ARHGAP18: variants seen among roughly 807,000 people sequenced by gnomAD.
ARHGAP18 encodes the protein rho GTPase-activating protein 18.
Under a neutral mutation model 86.2 loss-of-function variants are expected in ARHGAP18, and 67 were observed. The observed-to-expected ratio is 0.78, with a 90% CI of 0.64 to 0.95. The LOEUF (loss-of-function observed/expected upper bound fraction) is 0.95. Ranked by LOEUF, ARHGAP18 falls within the 40% of genes least tolerant of loss-of-function variation. ARHGAP18 has a pLI of 0.00. For missense variants in ARHGAP18, 691 were observed against 780.4 expected (o/e 0.89, Z 1.37); for synonymous variants, 283 against 280.4 (o/e 1.01, Z -0.09).
intron 1 of ARHGAP18, among the ~76,000 whole-genome samples, chr6:129,696,611 A>G (rs1774621504): frequency 6.6e-6 from 1 of 152,202 alleles, no homozygotes; most frequent in South Asian, 2.1e-4. Flanking sequence ...AATTGAATCT[A>G]TATAGTGCTT....
At chr6:129,601,056 G>A (rs991406732) in intron 10 of ARHGAP18, among the ~76,000 whole-genome samples, 14 of 152,186 alleles carry the variant, frequency 9.2e-5, no homozygotes, top group African/African-American at 3.4e-4. Flanking sequence ...AAGGACCATG[G>A]TGCTGGGGAA....
At chr6:129,645,128 C>A (rs1773551747) in intron 1 of ARHGAP18, among the ~76,000 whole-genome samples, 1 of 152,094 alleles carries the variant, frequency 6.6e-6, no homozygotes. Context: ...CCTTGGTCAA[C>A]CTGCCACGTA....
chr6:129,675,089 G>A (rs907947776), intron 1 of ARHGAP18, among the ~76,000 whole-genome samples: 5 of 152,076 alleles, frequency 3.3e-5, no homozygotes, highest in Admixed American at 1.3e-4. Context: ...GTATTTTTGC[G>A]TTTACTCCTT....
intron 5 of ARHGAP18, among the ~76,000 whole-genome samples, chr6:129,626,195 C>T (rs1056541747): frequency 6.1e-5 from 9 of 148,668 alleles, no homozygotes; most frequent in Admixed American, 4.8e-4. Context: ...CAATGGAGTA[C>T]AATGTATCTA....
chr6:129,629,465 G>A lies in ARHGAP18; in HGVS notation c.674C>T (p.Ala225Val), dbSNP rs1255661683. Residue 225 changes from alanine to valine, a missense_variant, in exon 5 of 15, where the codon GCC becomes GTC. Coordinates refer to ENST00000368149, the MANE Select transcript of ARHGAP18 (RefSeq NM_033515.3). ...CTCCAGGTTGATGTCTGTTTCAGGG[G>A]CAGGCGTCTCCTCAGGTGGGATCAG... ...EKLIPPEETP[A>V]PETDINLEVS... is the part of the protein sequence containing the mutation. 7 of 1,613,662 alleles carry A rather than the reference G, an allele frequency of 4.3e-6. No homozygotes were observed. Among genetic ancestry groups the A allele is most frequent in the Non-Finnish European group, 5.9e-6 (7 of 1,179,908 alleles).
chr6:129,585,241 G>A (rs891052062), intron 12 of ARHGAP18, among the ~76,000 whole-genome samples: 2 of 151,556 alleles, frequency 1.3e-5, no homozygotes, highest in South Asian at 4.2e-4. Flanking sequence ...GCAGTGAGCT[G>A]AGACGCACTC....
chr6:129,656,727 C>T (rs557840354), intron 1 of ARHGAP18, among the ~76,000 whole-genome samples: 2 of 152,084 alleles, frequency 1.3e-5, no homozygotes, highest in East Asian at 1.9e-4. Context: ...CAGTCTTTTG[C>T]TATGCCTCAT....
chr6:129,600,800 T>A lies in ARHGAP18; in HGVS notation c.1414A>T (p.Lys472Ter), dbSNP rs1788722884. The change falls in exon 11 of 15, where the codon AAA becomes TAA. Residue 472 changes from lysine to a stop codon, truncating the protein, a stop_gained. Transcript: ENST00000368149. LOFTEE classifies it high-confidence loss of function. The stretch of plus-strand genomic sequence containing the variant: ...ATTGCTACATTCATGACTGTCATTT[T>A]ATTTTTTTCTTTATTATCTATTACT... The part of the protein sequence containing the change: ...QRVIDNKEKN[K>*]MTVMNVAMVM... 6.2e-7 allele frequency: 1 copy of A among 1,613,390 alleles called. No homozygotes were observed. Among genetic ancestry groups the A allele is most frequent in the South Asian group, 1.1e-5 (1 of 91,018 alleles).
rs373648411 is a variant in ARHGAP18 at position 129,580,050 on chromosome 6, A to C, written c.1900+20T>G. The C allele has an allele frequency of 1.3e-6, 2 of 1,591,292 alleles. No individual in the cohort carries two copies. The highest frequency in any genetic ancestry group is 2.7e-5 in the African/African-American group (2 of 74,230). On this transcript the variant is annotated intron_variant, in intron 14 of 14. Transcript: ENST00000368149. ...TATCAAAACAGCATATAAAATGTAAAGAGAAAAAAAAGTGCTTACCAATAT... is the reference window on the plus strand; with the variant it reads ...TATCAAAACAGCATATAAAATGTAACGAGAAAAAAAAGTGCTTACCAATAT...
At chr6:129,604,000 A>G (rs1788801536) in intron 10 of ARHGAP18, among the ~76,000 whole-genome samples, 1 of 152,182 alleles carries the variant, frequency 6.6e-6, no homozygotes, top group Non-Finnish European at 1.5e-5. Context: ...CTGAAATTAT[A>G]TTGCATTGGA....
chr6:129,611,861 G>A, intron 7 of ARHGAP18, among the ~76,000 whole-genome samples: 1 of 152,106 alleles, frequency 6.6e-6, no homozygotes, highest in Non-Finnish European at 1.5e-5. Flanking sequence ...CAACAGCTGT[G>A]GTACTCCAAA....
chr6:129,622,327 C>A (rs1159995069), intron 5 of ARHGAP18, among the ~76,000 whole-genome samples: 1 of 152,082 alleles, frequency 6.6e-6, no homozygotes. Context: ...CTGAACCAAC[C>A]ATATTTACCT....
At chr6:129,706,818 G>A (rs759733254) in intron 1 of ARHGAP18, among the ~76,000 whole-genome samples, 2 of 150,256 alleles carry the variant, frequency 1.3e-5, no homozygotes, top group Non-Finnish European at 3.0e-5. Context: ...GCCTGGAGAC[G>A]GAGGTTGCAG....
intron 12 of ARHGAP18, among the ~76,000 whole-genome samples, chr6:129,592,272 G>A (rs921759596): frequency 6.6e-6 from 1 of 152,178 alleles, no homozygotes; most frequent in African/African-American, 2.4e-5. Context: ...CTGCAACAAT[G>A]CTTTGCAGCA....
chr6:129,626,162 C>G (rs951098423), intron 5 of ARHGAP18, among the ~76,000 whole-genome samples: 2 of 146,222 alleles, frequency 1.4e-5, no homozygotes, highest in African/African-American at 5.1e-5. Context: ...GGGACTGACT[C>G]AATAAATTAT....
At chr6:129,580,967 T>C (rs1190438190) in intron 13 of ARHGAP18, among the ~76,000 whole-genome samples, 2 of 152,192 alleles carry the variant, frequency 1.3e-5, no homozygotes, top group African/African-American at 2.4e-5. Context: ...AATTATGTCA[T>C]TATCTTTCTG....
chr6:129,638,117 G>A (rs553386371), intron 3 of ARHGAP18, among the ~76,000 whole-genome samples: 15 of 152,278 alleles, frequency 9.9e-5, no homozygotes, highest in African/African-American at 3.6e-4. Context: ...GTCACCCCTA[G>A]TGGAGTTAAA....
At position 129,700,894 on chromosome 6, in the gene ARHGAP18, C is replaced by T. The variant is rs1170300635; in HGVS notation, c.113+9130G>A. On this transcript the variant is annotated intron_variant, in intron 1 of 14. Coordinates refer to ENST00000368149, the MANE Select transcript of ARHGAP18 (RefSeq NM_033515.3). ...CCAAAATCTGTGTATGCAATCACTA[C>T]GCCTCCTCCCACTTACACTCATTCA... 7.9e-5 allele frequency among the ~76,000 whole-genome samples: 12 copies of T among 151,936 alleles called. No homozygotes were observed. The South Asian group carries it at 8.3e-4, about 11-fold the overall frequency.
chr6:129,672,417 C>G (rs965812323), intron 1 of ARHGAP18, among the ~76,000 whole-genome samples: 1 of 152,220 alleles, frequency 6.6e-6, no homozygotes, highest in Admixed American at 6.5e-5. Context: ...CCCAAGAGAA[C>G]TCATTCAGCA....
Sources: allele counts gnomAD v4.1 joint callset (sites outside exome capture counted in the v4.1 genomes callset), GRCh38; gene constraint gnomAD v4.1.1; transcripts MANE v1.5; gene names NCBI Gene and HGNC (gene_info 2026-07-23, HGNC 2026-07-21).